MTO1: variants seen among roughly 807,000 people sequenced by gnomAD.
MTO1 encodes the protein 5-taurinomethyluridine-[tRNA] synthase subunit MTO1, mitochondrial.
Under a neutral mutation model 71.6 loss-of-function variants are expected in MTO1, and 46 were observed. The observed-to-expected ratio is 0.64, with a 90% CI of 0.51 to 0.82. MTO1 has a LOEUF of 0.82. Ranked by LOEUF, MTO1 falls within the 40% of genes least tolerant of loss-of-function variation. The pLI is 0.00. For missense variants in MTO1, 773 were observed against 867.5 expected (o/e 0.89, Z 1.37); for synonymous variants, 297 against 312.1 (o/e 0.95, Z 0.51).
chr6:73,478,599 C>A (rs1356891061), intron 4 of MTO1, among the ~76,000 whole-genome samples: 1 of 152,154 alleles, frequency 6.6e-6, no homozygotes, highest in African/African-American at 2.4e-5. Context: ...ATGGTAATGG[C>A]GCAAGCTTGG....
chr6:73,484,732 G>T lies in MTO1; in HGVS notation c.1637+2112G>T, dbSNP rs187942183. 4.0e-3 allele frequency among the ~76,000 whole-genome samples: 602 copies of T among 152,190 alleles called. 2 individuals are homozygous for T. Among genetic ancestry groups the T allele is most frequent in the Middle Eastern group, 6.8e-3 (2 of 294 alleles). On this transcript the variant is annotated intron_variant, in intron 9 of 11. Transcript: ENST00000498286. ...TATTCATTTGTTTAAATTTAGGAGG[G>T]TTCACATTATTTCAAAAGTTGGACA...
chr6:73,491,707 C>G (rs975206338), intron 9 of MTO1, among the ~76,000 whole-genome samples: 1 of 152,164 alleles, frequency 6.6e-6, no homozygotes, highest in African/African-American at 2.4e-5. Flanking sequence ...ACAGCCATGC[C>G]ACCCTTACCA....
At chr6:73,470,720 G>A (rs550971010) in intron 3 of MTO1, among the ~76,000 whole-genome samples, 3 of 152,240 alleles carry the variant, frequency 2.0e-5, no homozygotes, top group East Asian at 3.9e-4. Context: ...TTGGAAGGCC[G>A]AGGCAGGTGG....
intron 1 of MTO1, among the ~76,000 whole-genome samples, chr6:73,463,396 G>T (rs1416957689): frequency 6.6e-6 from 1 of 152,032 alleles, no homozygotes; most frequent in Non-Finnish European, 1.5e-5. Context: ...GTTTAGTACT[G>T]GACAGTACTT....
chr6:73,488,773 C>T (rs1197798684), intron 9 of MTO1, among the ~76,000 whole-genome samples: 2 of 151,932 alleles, frequency 1.3e-5, no homozygotes, highest in Non-Finnish European at 2.9e-5. Flanking sequence ...AAAAAATTAG[C>T]CACGCATGGT....
intron 7 of MTO1, 115 bp downstream of exon 7, chr6:73,480,920 G>C: frequency 2.9e-6 from 3 of 1,017,100 alleles, no homozygotes; most frequent in African/African-American, 1.7e-5. Flanking sequence ...ACTAATAGAA[G>C]ACAATTTATG....
At chr6:73,464,673 A>AG (rs2150026221) in intron 1 of MTO1, among the ~76,000 whole-genome samples, 1 of 151,236 alleles carries the variant, frequency 6.6e-6, no homozygotes, top group African/African-American at 2.4e-5. Context: ...AAAAAAAAAA[A>AG]AAAGAAAGAA....
chr6:73,486,246 A>T (rs1771650063), intron 9 of MTO1, among the ~76,000 whole-genome samples: 1 of 152,118 alleles, frequency 6.6e-6, no homozygotes, highest in Admixed American at 6.6e-5. Flanking sequence ...AAAAGAACAT[A>T]ATTACCATCT....
intron 3 of MTO1, 26 bp from the exon 4 acceptor site, chr6:73,473,339 C>G: frequency 6.3e-7 from 1 of 1,579,012 alleles, no homozygotes; most frequent in Non-Finnish European, 8.6e-7. Flanking sequence ...TAGATAATGA[C>G]TTTATTCTTT....
intron 4 of MTO1, among the ~76,000 whole-genome samples, chr6:73,479,434 G>A (rs763752964): frequency 1.1e-4 from 16 of 152,100 alleles, no homozygotes; most frequent in Non-Finnish European, 2.2e-4. Context: ...CACAGAGGTT[G>A]GAGTGAGCTG....
rs373065217 is a variant in MTO1, at chr6:73,480,055, T to C, written c.1058T>C (p.Leu353Pro). 14 of 1,614,076 alleles carry C rather than the reference T, an allele frequency of 8.7e-6. No homozygotes were observed. The African/African-American group carries it at 1.9e-4, about 22-fold the overall frequency. ...LIYPQGLSMT[L>P]PAELQEKMIT... ...TACCCACAGGGGTTATCTATGACGCTACCAGCTGAGTTACAAGAGAAAATG... is the reference window on the plus strand; with the variant it reads ...TACCCACAGGGGTTATCTATGACGCCACCAGCTGAGTTACAAGAGAAAATG... The change falls in exon 6 of 12, where the codon CTA becomes CCA. Residue 353 changes from leucine (L) to proline (P), a missense_variant. Coordinates refer to ENST00000498286, the MANE Select transcript of MTO1 (RefSeq NM_012123.4).
chr6:73,464,319 C>T (rs1272315471), intron 1 of MTO1: 1 of 152,116 alleles, frequency 6.6e-6, no homozygotes, highest in African/African-American at 2.4e-5. Flanking sequence ...CCTGTTTTTA[C>T]AGTAGAGAGA....
intron 3 of MTO1, 115 bp from the exon 4 acceptor site, chr6:73,473,250 G>A: frequency 8.6e-7 from 1 of 1,158,272 alleles, no homozygotes; most frequent in Non-Finnish European, 1.2e-6. Flanking sequence ...CTGCCCTCCA[G>A]CCTGGCGATA....
intron 3 of MTO1, chr6:73,471,876 T>C (rs1771170014): frequency 6.5e-6 from 1 of 152,782 alleles, no homozygotes; most frequent in African/African-American, 2.4e-5. Flanking sequence ...ACATTGACAG[T>C]GTTGTGCACC....
intron 1 of MTO1, 128 bp from the exon 2 acceptor site, chr6:73,466,081 A>G (rs908116804): frequency 1.2e-5 from 11 of 913,570 alleles, no homozygotes; most frequent in East Asian, 2.5e-5. Context: ...TTTGTAGTAT[A>G]TCTTTCACGT....
intron 10 of MTO1, among the ~76,000 whole-genome samples, chr6:73,496,124 A>G (rs1205680816): frequency 6.6e-6 from 1 of 152,210 alleles, no homozygotes; most frequent in South Asian, 2.1e-4. Context: ...CAAAATGATG[A>G]TGATGTACGC....
chr6:73,480,973 T>G (rs1240679852), intron 7 of MTO1, 168 bp downstream of exon 7: 1 of 190,768 alleles, frequency 5.2e-6, no homozygotes, highest in Admixed American at 1.2e-4. Flanking sequence ...AATAGGGTTT[T>G]TTTTTTTTTT....
In MTO1 at chr6:73,473,393, T is replaced by A; in HGVS notation, c.564T>A (p.Ser188Arg). ...ATGGAAGCACAGTATATGCAGAGAG[T>A]GTGATTCTGACTACTGGGACATTTC... is the stretch of plus-strand genomic sequence containing the variant. ...LVDGSTVYAE[S>R]VILTTGTFLR... Residue 188 changes from serine (S) to arginine (R), a missense_variant, in exon 4 of 12, where the codon AGT (serine) becomes AGA (arginine). By Grantham distance (110) the Ser-to-Arg change is moderately radical. Coordinates refer to ENST00000498286, the MANE Select transcript of MTO1 (RefSeq NM_012123.4). 6.2e-7 allele frequency: 1 copy of A among 1,613,928 alleles called. No individual in the cohort carries two copies. Among genetic ancestry groups the A allele is most frequent in the East Asian group, 2.2e-5 (1 of 44,882 alleles).
intron 7 of MTO1, among the ~76,000 whole-genome samples, chr6:73,481,773 A>T (rs189195689): frequency 7.9e-5 from 12 of 152,134 alleles, no homozygotes; most frequent in Admixed American, 3.3e-4. Context: ...GTCTCCGGAT[A>T]AAAAAAAGAT....
Sources: allele counts gnomAD v4.1 joint callset (sites outside exome capture counted in the v4.1 genomes callset), GRCh38; gene constraint gnomAD v4.1.1; transcripts MANE v1.5; gene names NCBI Gene and HGNC (gene_info 2026-07-23, HGNC 2026-07-21).